The following PTPRD variants were observed in gnomAD, a reference collection of about 807,000 sequenced individuals.
PTPRD encodes the protein receptor-type tyrosine-protein phosphatase delta.
In PTPRD, 34 loss-of-function variants were observed where a neutral mutation model predicts 214.5. The ratio of observed to expected loss-of-function variants is 0.16; its 90% confidence interval spans 0.12 to 0.21. PTPRD has a LOEUF of 0.21. PTPRD is among the 10% of genes least tolerant of loss of function. The pLI is 1.00. For synonymous variants in PTPRD, 1,128 were observed against 845.7 expected, an observed-to-expected ratio of 1.33 and a Z score of -5.79; for missense variants, 2,545 against 2,398.7, an observed-to-expected ratio of 1.06 and a Z score of -1.27.
At chr9:10,595,303 GAT>G (rs943300155) in intron 2 of PTPRD, among the ~76,000 whole-genome samples, 8 of 151,794 alleles carry the variant, frequency 5.3e-5, no homozygotes, top group Non-Finnish European at 1.0e-4. Flanking sequence ...AATAAAAAGA[GAT>G]GAACTATAAA....
At chr9:9,936,741 C>T (rs201968805) in intron 5 of PTPRD, among the ~76,000 whole-genome samples, 34,747 of 122,890 alleles carry the variant, frequency 0.28, 4,955 homozygotes, top group East Asian at 0.67. Flanking sequence ...ACCCAAAGGA[C>T]TATAAATCAT....
chr9:10,103,328 G>A (rs865991934), intron 3 of PTPRD, among the ~76,000 whole-genome samples: 1 of 144,238 alleles, frequency 6.9e-6, no homozygotes, highest in Non-Finnish European at 1.5e-5. Context: ...AGGTAAGATA[G>A]ACATTGACAA....
chr9:10,106,723 G>C (rs148494989), intron 3 of PTPRD, among the ~76,000 whole-genome samples: 1 of 151,778 alleles, frequency 6.6e-6, no homozygotes, highest in Non-Finnish European at 1.5e-5. Flanking sequence ...AAATAAAAAC[G>C]TGTCTTTCTC....
At chr9:10,244,319 A>G (rs1481523298) in intron 3 of PTPRD, among the ~76,000 whole-genome samples, 1 of 152,100 alleles carries the variant, frequency 6.6e-6, no homozygotes, top group Non-Finnish European at 1.5e-5. Context: ...AAGCAGAGAT[A>G]TTGATTTATG....
chr9:9,742,816 G>C (rs2098417710), intron 6 of PTPRD, among the ~76,000 whole-genome samples: 1 of 152,022 alleles, frequency 6.6e-6, no homozygotes. Flanking sequence ...TAATTCAAAT[G>C]ACATATCTGT....
intron 9 of PTPRD, among the ~76,000 whole-genome samples, chr9:9,292,085 T>C (rs1052018306): frequency 2.0e-5 from 3 of 151,402 alleles, no homozygotes; most frequent in Non-Finnish European, 4.4e-5. Flanking sequence ...TGCAGCTTTG[T>C]ATTATCTATG....
intron 7 of PTPRD, among the ~76,000 whole-genome samples, chr9:9,599,217 C>T (rs1340816594): frequency 6.6e-6 from 1 of 152,016 alleles, no homozygotes; most frequent in Non-Finnish European, 1.5e-5. Context: ...AAGTAATACC[C>T]TTCTATTATC....
chr9:10,609,538 TTG>T (rs1311734565), intron 2 of PTPRD, among the ~76,000 whole-genome samples: 20 of 152,150 alleles, frequency 1.3e-4, no homozygotes, highest in Non-Finnish European at 1.5e-5. Context: ...CTGCTAATTC[TTG>T]GATATAACTA....
At chr9:9,327,390 C>T (rs1009586552) in intron 9 of PTPRD, among the ~76,000 whole-genome samples, 2 of 152,080 alleles carry the variant, frequency 1.3e-5, no homozygotes, top group African/African-American at 4.8e-5. Flanking sequence ...GTTATTTGAC[C>T]TTTGTTCCAG....
At chr9:10,284,783 A>T (rs916648412) in intron 3 of PTPRD, among the ~76,000 whole-genome samples, 4 of 142,636 alleles carry the variant, frequency 2.8e-5, no homozygotes, top group African/African-American at 9.2e-5. Context: ...CCAGGAGGAG[A>T]GAGAGAGAGA....
chr9:8,858,355 G>C (rs915785737), intron 11 of PTPRD: 6 of 152,746 alleles, frequency 3.9e-5, no homozygotes, highest in African/African-American at 1.4e-4. Flanking sequence ...TGGGGGGAGA[G>C]GGGTGCGAGG....
intron 5 of PTPRD, among the ~76,000 whole-genome samples, chr9:9,772,537 T>C (rs911569543): frequency 5.4e-5 from 8 of 149,508 alleles, no homozygotes; most frequent in African/African-American, 1.7e-4. Flanking sequence ...TTTCAAAGGG[T>C]TGTCCATCAG....
intron 5 of PTPRD, among the ~76,000 whole-genome samples, chr9:9,768,079 G>A (rs768393200): frequency 7.2e-5 from 11 of 152,072 alleles, no homozygotes; most frequent in Non-Finnish European, 1.6e-4. Flanking sequence ...ATACATTTAT[G>A]CTTGTGGTTT....
intron 36 of PTPRD, among the ~76,000 whole-genome samples, chr9:8,403,402 T>C (rs1259569447): frequency 1.3e-5 from 2 of 152,216 alleles, no homozygotes; most frequent in Non-Finnish European, 2.9e-5. Context: ...TGGGCACTAA[T>C]GAGGGTGAAC....
At chr9:9,535,329 A>G (rs2076293318) in intron 8 of PTPRD, among the ~76,000 whole-genome samples, 1 of 152,134 alleles carries the variant, frequency 6.6e-6, no homozygotes, top group Non-Finnish European at 1.5e-5. Context: ...CAAGTTTTAA[A>G]CGATCCAAAA....
chr9:8,858,096 T>C, intron 11 of PTPRD: 6 of 156,984 alleles, frequency 3.8e-5, no homozygotes, highest in Admixed American at 6.6e-5. Context: ...CTCCTCCCCC[T>C]CCTCCTCCTC....
At chr9:10,007,671 T>A (rs950609038) in intron 4 of PTPRD, among the ~76,000 whole-genome samples, 1 of 152,000 alleles carries the variant, frequency 6.6e-6, no homozygotes, top group African/African-American at 2.4e-5. Context: ...ATTTTGTTCA[T>A]AAGCCACCTA....
intron 2 of PTPRD, among the ~76,000 whole-genome samples, chr9:10,434,841 T>A (rs1280943907): frequency 1.3e-5 from 2 of 151,866 alleles, no homozygotes; most frequent in Admixed American, 6.6e-5. Flanking sequence ...TTTATGAATC[T>A]TATAAATCTG....
intron 3 of PTPRD, among the ~76,000 whole-genome samples, chr9:10,214,945 A>T (rs1205361561): frequency 6.6e-6 from 1 of 151,996 alleles, no homozygotes; most frequent in African/African-American, 2.4e-5. Flanking sequence ...TTGAAGCTTG[A>T]GTTTTGGACA....
Sources: allele counts gnomAD v4.1 joint callset (sites outside exome capture counted in the v4.1 genomes callset), GRCh38; gene constraint gnomAD v4.1.1; transcripts MANE v1.5; gene names NCBI Gene and HGNC (gene_info 2026-07-23, HGNC 2026-07-21).